TMEM132C: variants seen among roughly 807,000 people sequenced by gnomAD.
TMEM132C encodes the protein transmembrane protein 132C, also known as protein phosphatase 1, regulatory subunit 152.
TMEM132C carries 29 observed loss-of-function variants against 61.4 expected under a neutral mutation model. The ratio of observed to expected loss-of-function variants is 0.47; its 90% confidence interval spans 0.35 to 0.64. The LOEUF (loss-of-function observed/expected upper bound fraction) is 0.64. Among genes scored for constraint, TMEM132C ranks in the 30% least tolerant of loss-of-function variants. The pLI, the probability that TMEM132C is intolerant of heterozygous loss-of-function variation, is 0.00. For synonymous variants in TMEM132C, 656 were observed against 633.1 expected, an observed-to-expected ratio of 1.04 and a Z score of -0.54; for missense variants, 1,408 against 1,476.9, an observed-to-expected ratio of 0.95 and a Z score of 0.76.
chr12:128,700,111 G>A (rs947078109), intron 8 of TMEM132C, among the ~76,000 whole-genome samples: 3 of 152,194 alleles, frequency 2.0e-5, no homozygotes, highest in Non-Finnish European at 4.4e-5. Context: ...CCCTTGGCAT[G>A]GGGTATGGCC....
intron 4 of TMEM132C, among the ~76,000 whole-genome samples, chr12:128,663,792 GCACT>G (rs1337037781): frequency 5.3e-5 from 8 of 152,098 alleles, no homozygotes; most frequent in African/African-American, 1.2e-4. Flanking sequence ...GCACACACAG[GCACT>G]CACACATACA....
intron 1 of TMEM132C, among the ~76,000 whole-genome samples, chr12:128,382,849 T>C (rs1434566651): frequency 6.6e-6 from 1 of 152,218 alleles, no homozygotes; most frequent in East Asian, 1.9e-4. Context: ...TCTGAGTATG[T>C]ATGTGTATCT....
intron 3 of TMEM132C, among the ~76,000 whole-genome samples, chr12:128,581,432 A>G (rs746268775): frequency 1.3e-5 from 2 of 152,128 alleles, no homozygotes; most frequent in Non-Finnish European, 2.9e-5. Context: ...CCTTTATTGC[A>G]TCTGCAAAGG....
intron 2 of TMEM132C, among the ~76,000 whole-genome samples, chr12:128,502,474 T>C (rs1002238977): frequency 6.6e-6 from 1 of 152,208 alleles, no homozygotes; most frequent in African/African-American, 2.4e-5. Flanking sequence ...TACGATTTCA[T>C]TTCCTGGCTA....
At chr12:128,577,101 C>T (rs964574698) in intron 3 of TMEM132C, among the ~76,000 whole-genome samples, 11 of 152,176 alleles carry the variant, frequency 7.2e-5, no homozygotes, top group Admixed American at 2.0e-4. Flanking sequence ...CCCCACAGCC[C>T]CCATCAACCA....
chr12:128,432,612 T>C (rs1231626310), intron 2 of TMEM132C, among the ~76,000 whole-genome samples: 1 of 152,180 alleles, frequency 6.6e-6, no homozygotes, highest in East Asian at 1.9e-4. Context: ...TGCTGCAATC[T>C]CATGATAAAA....
intron 1 of TMEM132C, among the ~76,000 whole-genome samples, chr12:128,312,439 G>T (rs538634335): frequency 6.6e-6 from 1 of 152,202 alleles, no homozygotes; most frequent in Non-Finnish European, 1.5e-5. Context: ...CTGTGTAGCT[G>T]GGTCTACAAC....
intron 3 of TMEM132C, among the ~76,000 whole-genome samples, chr12:128,611,498 C>T (rs552908704): frequency 1.3e-5 from 2 of 152,320 alleles, no homozygotes; most frequent in African/African-American, 4.8e-5. Context: ...GGACTGGCTC[C>T]AGCCCCATGC....
At chr12:128,407,370 C>T (rs56341086) in intron 1 of TMEM132C, among the ~76,000 whole-genome samples, 94 of 152,300 alleles carry the variant, frequency 6.2e-4, no homozygotes, top group South Asian at 2.5e-3. Context: ...TACCCAGTCT[C>T]GGGTATTTCT....
At chr12:128,427,343 G>A in intron 2 of TMEM132C, among the ~76,000 whole-genome samples, 1 of 151,032 alleles carries the variant, frequency 6.6e-6, no homozygotes, top group South Asian at 2.1e-4. Flanking sequence ...AGTGGGGTGT[G>A]TTTTTTTGTA....
At chr12:128,455,511 G>A (rs1430832987) in intron 2 of TMEM132C, among the ~76,000 whole-genome samples, 1 of 152,214 alleles carries the variant, frequency 6.6e-6, no homozygotes, top group African/African-American at 2.4e-5. Flanking sequence ...CATCGTGAGA[G>A]AAACACCCTT....
chr12:128,694,566 A>G (rs748482696), intron 6 of TMEM132C, among the ~76,000 whole-genome samples: 3 of 152,156 alleles, frequency 2.0e-5, no homozygotes, highest in Non-Finnish European at 4.4e-5. Context: ...TGACCCCCGG[A>G]TTAGCAGACA....
chr12:128,325,707 G>A (rs533729508), intron 1 of TMEM132C, among the ~76,000 whole-genome samples: 6 of 152,206 alleles, frequency 3.9e-5, no homozygotes, highest in East Asian at 3.9e-4. Context: ...GAAGGATATC[G>A]TGGCTGTTTC....
rs867230296 is a variant in TMEM132C at position 128,643,532 on chromosome 12, T to C, written c.1306-25885T>C. ...CAAGTCACATGCTCAGCTGACAGCATCACACACGTCCATTTGGGGCCCCAA... is the reference window on the plus strand; with the variant it reads ...CAAGTCACATGCTCAGCTGACAGCACCACACACGTCCATTTGGGGCCCCAA... On this transcript the variant is annotated intron_variant, in intron 4 of 8. Transcript: ENST00000435159. Among the ~76,000 whole-genome samples the C allele has an allele frequency of 2.6e-5, 4 of 151,570 alleles. No individual in the cohort carries two copies. In the South Asian group the frequency reaches 8.3e-4, roughly 32 times the overall value.
chr12:128,436,079 G>C (rs1869578894), intron 2 of TMEM132C, among the ~76,000 whole-genome samples: 1 of 152,130 alleles, frequency 6.6e-6, no homozygotes, highest in Non-Finnish European at 1.5e-5. Context: ...ATGGTGCTGG[G>C]AAAACTGGCT....
At chr12:128,431,550 CTTTTTTTT>C (rs386378189) in intron 2 of TMEM132C, among the ~76,000 whole-genome samples, 5 of 98,906 alleles carry the variant, frequency 5.1e-5, no homozygotes, top group African/African-American at 1.3e-4. Context: ...CCATCTAGGA[CTTTTTTTT>C]TTTTTTTTTT....
intron 2 of TMEM132C, among the ~76,000 whole-genome samples, chr12:128,530,577 G>C (rs1873256618): frequency 6.6e-6 from 1 of 152,086 alleles, no homozygotes; most frequent in African/African-American, 2.4e-5. Flanking sequence ...CCGAGTAGCT[G>C]GGATTACAAG....
intron 3 of TMEM132C, among the ~76,000 whole-genome samples, chr12:128,584,139 A>G (rs993439196): frequency 1.2e-4 from 18 of 152,200 alleles, no homozygotes; most frequent in Non-Finnish European, 1.0e-4. Context: ...CTGGCATTGG[A>G]GATATTTCTC....
At chr12:128,661,448 G>A (rs1029569494) in intron 4 of TMEM132C, among the ~76,000 whole-genome samples, 3 of 152,080 alleles carry the variant, frequency 2.0e-5, no homozygotes, top group African/African-American at 7.2e-5. Context: ...CTCACACGCT[G>A]CTGCTCAGAG....
Sources: gnomAD v4.1 joint callset for allele counts (sites outside exome capture counted in the v4.1 genomes callset) on GRCh38, gnomAD v4.1.1 for gene constraint, MANE v1.5 for transcripts, NCBI Gene and HGNC (gene_info 2026-07-23, HGNC 2026-07-21) for gene names.